NXPE2: variants seen among roughly 807,000 people sequenced by gnomAD.
NXPE2 encodes the protein NXPE family member 2.
NXPE2 carries 34 observed loss-of-function variants against 34.4 expected under a neutral mutation model. The observed-to-expected ratio is 0.99, with a 90% CI of 0.75 to 1.31. The LOEUF (loss-of-function observed/expected upper bound fraction) is 1.31. Among genes scored for constraint, NXPE2 ranks in the 40% most tolerant of loss-of-function variants. NXPE2 has a pLI of 0.00. For missense variants in NXPE2, 649 were observed against 672.5 expected (o/e 0.97, Z 0.39); for synonymous variants, 235 against 231.3 (o/e 1.02, Z -0.15).
the NXPE2 span, among the ~76,000 whole-genome samples, chr11:114,601,173 T>G: frequency 2.6e-5 from 4 of 151,600 alleles, no homozygotes; most frequent in African/African-American, 9.7e-5. Flanking sequence ...AACTCTGGAG[T>G]TTTAGTGTAC....
At chr11:114,730,848 G>C in the NXPE2 span, among the ~76,000 whole-genome samples, 1 of 151,952 alleles carries the variant, frequency 6.6e-6, no homozygotes, top group Non-Finnish European at 1.5e-5. Context: ...GCAAAGAGAG[G>C]TTGACTTCCT....
chr11:114,488,648 C>A, the NXPE2 span, among the ~76,000 whole-genome samples: 1 of 152,178 alleles, frequency 6.6e-6, no homozygotes, highest in African/African-American at 2.4e-5. Flanking sequence ...TAAAGATGTT[C>A]TTTGAAACCA....
At chr11:114,607,679 G>C in the NXPE2 span, among the ~76,000 whole-genome samples, 1 of 149,156 alleles carries the variant, frequency 6.7e-6, no homozygotes, top group Admixed American at 6.7e-5. Context: ...TAAGTGTTGA[G>C]TTGCGGGTAA....
downstream of NXPE2, among the ~76,000 whole-genome samples, chr11:114,709,963 A>C (rs1859580807): frequency 1.3e-5 from 2 of 152,212 alleles, no homozygotes; most frequent in South Asian, 4.1e-4. Context: ...AAAATCCATA[A>C]ATATTTAGAA....
the NXPE2 span, among the ~76,000 whole-genome samples, chr11:114,621,572 G>A: frequency 6.6e-6 from 1 of 152,140 alleles, no homozygotes; most frequent in Non-Finnish European, 1.5e-5. Flanking sequence ...GGTAACCACT[G>A]TTACCTGTTG....
At chr11:114,514,455 T>A in the NXPE2 span, among the ~76,000 whole-genome samples, 1 of 152,034 alleles carries the variant, frequency 6.6e-6, no homozygotes, top group Admixed American at 6.6e-5. Context: ...AGTGACACAA[T>A]CATGTCTCAC....
At chr11:114,633,071 T>G in the NXPE2 span, among the ~76,000 whole-genome samples, 1 of 118,462 alleles carries the variant, frequency 8.4e-6, no homozygotes, top group South Asian at 2.4e-4. Flanking sequence ...TATTTTGTTT[T>G]TTATAATTTA....
At chr11:114,649,910 C>T in the NXPE2 span, among the ~76,000 whole-genome samples, 1 of 152,038 alleles carries the variant, frequency 6.6e-6, no homozygotes, top group African/African-American at 2.4e-5. Context: ...TTGGTAAATG[C>T]GTGCAGTTTG....
At chr11:114,544,398 A>G in the NXPE2 span, among the ~76,000 whole-genome samples, 1 of 152,238 alleles carries the variant, frequency 6.6e-6, no homozygotes, top group Non-Finnish European at 1.5e-5. Context: ...TCAAGGGAAC[A>G]TAATAGAAAG....
chr11:114,479,053 T>C, the NXPE2 span, among the ~76,000 whole-genome samples: 1 of 152,090 alleles, frequency 6.6e-6, no homozygotes. Context: ...CTGCAAGAGG[T>C]CAAGTTATGG....
downstream of NXPE2, among the ~76,000 whole-genome samples, chr11:114,709,620 T>A (rs1029654073): frequency 9.2e-5 from 14 of 152,150 alleles, no homozygotes; most frequent in African/African-American, 2.7e-4. Flanking sequence ...GAAATCAATA[T>A]CAGATGCTGG....
the NXPE2 span, among the ~76,000 whole-genome samples, chr11:114,766,935 G>A: frequency 6.6e-6 from 1 of 151,864 alleles, no homozygotes; most frequent in Non-Finnish European, 1.5e-5. Context: ...ATTTTTAGTT[G>A]TGTTTTTTAT....
rs537801112 is a variant in NXPE2, at chr11:114,697,927, G to A, written c.133-118G>A. 512 of 1,020,468 alleles carry A rather than the reference G, an allele frequency of 5.0e-4. 1 individual carries two copies. Among genetic ancestry groups the A allele is most frequent in the Middle Eastern group, 2.3e-3 (7 of 3,058 alleles). The allele number at this position is 1,020,468 out of a possible 1,614,324, so 63.2% of individuals were successfully genotyped here. On this transcript the variant is annotated intron_variant, in intron 2 of 5. Transcript: ENST00000389586. The stretch of plus-strand genomic sequence containing the variant: ...CCATAACTGAAAACCAGTTAGTATC[G>A]ATTTTTGATATTTAATTTATCACAC...
chr11:114,556,800 C>T, the NXPE2 span, among the ~76,000 whole-genome samples: 3 of 151,872 alleles, frequency 2.0e-5, no homozygotes, highest in Admixed American at 6.6e-5. Flanking sequence ...ATTTATATTT[C>T]ATATTATCGT....
At chr11:114,633,278 G>T in the NXPE2 span, among the ~76,000 whole-genome samples, 2 of 132,082 alleles carry the variant, frequency 1.5e-5, no homozygotes, top group African/African-American at 5.9e-5. Flanking sequence ...ATAGTATTAT[G>T]TTATATTATA....
At chr11:114,606,563 T>C in the NXPE2 span, among the ~76,000 whole-genome samples, 1 of 151,970 alleles carries the variant, frequency 6.6e-6, no homozygotes, top group Non-Finnish European at 1.5e-5. Context: ...GGGGAACCAC[T>C]GTTACCTGGT....
the NXPE2 span, among the ~76,000 whole-genome samples, chr11:114,464,784 G>A: frequency 1.3e-5 from 2 of 151,556 alleles, no homozygotes; most frequent in Non-Finnish European, 2.9e-5. Flanking sequence ...CAAACTAGGC[G>A]AAGATAATTG....
At chr11:114,794,136 C>T in the NXPE2 span, among the ~76,000 whole-genome samples, 17,477 of 152,142 alleles carry the variant, frequency 0.11, 1,097 homozygotes, top group Admixed American at 0.19. Context: ...TCTCTCCCGT[C>T]GGCTCTCCAT....
At chr11:114,629,440 T>C in the NXPE2 span, among the ~76,000 whole-genome samples, 6 of 151,016 alleles carry the variant, frequency 4.0e-5, no homozygotes, top group East Asian at 5.8e-4. Context: ...TCTCAATAGA[T>C]GCAGAAAAGG....
Sources: gnomAD v4.1 joint callset for allele counts (sites outside exome capture counted in the v4.1 genomes callset) on GRCh38, gnomAD v4.1.1 for gene constraint, MANE v1.5 for transcripts, NCBI Gene and HGNC (gene_info 2026-07-23, HGNC 2026-07-21) for gene names.